KLF7: variants seen among roughly 807,000 people sequenced by gnomAD.
KLF7 encodes KLF transcription factor 7, also known as Krueppel-like factor 7.
In KLF7, 2 loss-of-function variants were observed where a neutral mutation model predicts 27.3. That is an observed-to-expected ratio of 0.07 (90% CI 0.03 to 0.23). The LOEUF (loss-of-function observed/expected upper bound fraction) is 0.23, where lower values mean the gene tolerates loss of function less well. Among genes scored for constraint, KLF7 ranks in the 10% least tolerant of loss-of-function variants. The pLI is 1.00. For missense variants in KLF7, 221 were observed against 394.1 expected (o/e 0.56, Z 3.72); for synonymous variants, 165 against 162.4 (o/e 1.02, Z -0.12).
chr2:207,113,369 T>C (rs987838202), intron 2 of KLF7, among the ~76,000 whole-genome samples: 1 of 152,218 alleles, frequency 6.6e-6, no homozygotes, highest in Non-Finnish European at 1.5e-5. Context: ...TGTGTTTCCA[T>C]AGCTAAAGGA....
intron 1 of KLF7, among the ~76,000 whole-genome samples, chr2:207,125,365 C>CA (rs1252227814): frequency 2.6e-5 from 4 of 152,342 alleles, no homozygotes; most frequent in African/African-American, 9.6e-5. Flanking sequence ...AAAAATCCTA[C>CA]AATTCCAGAA....
chr2:207,134,100 T>G (rs1447226180), intron 1 of KLF7: 11 of 1,532,226 alleles, frequency 7.2e-6, no homozygotes, highest in African/African-American at 1.4e-5. Flanking sequence ...ACCAGTTACA[T>G]CATCTCCCCT....
intron 2 of KLF7, among the ~76,000 whole-genome samples, chr2:207,100,233 A>G (rs900009844): frequency 6.6e-6 from 1 of 152,242 alleles, no homozygotes; most frequent in African/African-American, 2.4e-5. Context: ...ATAGATATTA[A>G]TCCGTTTTTT....
chr2:207,123,015 C>T (rs2269076), intron 2 of KLF7, among the ~76,000 whole-genome samples: 39,181 of 151,140 alleles, frequency 0.26, 5,678 homozygotes, highest in East Asian at 0.5. Context: ...GTAAACCCCA[C>T]TTTTCCAAAT....
In KLF7 at chr2:207,099,551, GATATAT is replaced by G. The variant is rs59383415; in HGVS notation, c.734-10976_734-10971del. Among the ~76,000 whole-genome samples the G allele has an allele frequency of 9.4e-4, 54 of 57,574 alleles. 6 individuals are homozygous for G. The highest frequency in any genetic ancestry group is 4.1e-3 in the African/African-American group (45 of 11,010). The allele number at this position is 57,574 out of a possible 152,430, so 37.8% of individuals were successfully genotyped here. A position where few individuals can be genotyped will look rare whatever the true frequency, so the allele number is the denominator to read the frequency against. ...AAAGTTAACTTTCTGCTACATATGC[GATATAT>G]ATATATATATATATATGAAAAGAGA... On this transcript the variant is annotated intron_variant, in intron 2 of 3. Transcript: ENST00000309446.
chr2:207,111,179 A>G (rs1470536871), intron 2 of KLF7, among the ~76,000 whole-genome samples: 1 of 152,220 alleles, frequency 6.6e-6, no homozygotes, highest in African/African-American at 2.4e-5. Flanking sequence ...GCTGGACCAA[A>G]AGATTTGCTG....
rs765443753 is a variant in KLF7, at chr2:207,124,090, T to C, written c.417A>G (p.Pro139=). 1.7e-5 allele frequency: 28 copies of C among 1,613,874 alleles called. No individual in the cohort carries two copies. The East Asian group carries it at 5.8e-4, about 33-fold the overall frequency. Residue 139 remains proline, a synonymous_variant, in exon 2 of 4, where the codon CCA becomes CCG. Coordinates refer to ENST00000309446, the MANE Select transcript of KLF7 (RefSeq NM_003709.4). The part of the protein sequence containing the change: ...QLNAVTSLTP[P]SSPELSRHLV... ...GATGGCGGCTGAGCTCAGGGGACGA[T>C]GGGGGCGTTAATGAGGTCACTGCGT...
At chr2:207,168,552 T>C (rs966436274), upstream of KLF7, among the ~76,000 whole-genome samples, 2 of 151,806 alleles carry the variant, frequency 1.3e-5, no homozygotes, top group Non-Finnish European at 3.0e-5. Flanking sequence ...TCCTCAGCTT[T>C]AAGTCAGTGT....
At chr2:207,150,122 A>G (rs2078202040) in intron 1 of KLF7, among the ~76,000 whole-genome samples, 1 of 152,214 alleles carries the variant, frequency 6.6e-6, no homozygotes, top group Non-Finnish European at 1.5e-5. Context: ...ACACACATAC[A>G]GACATATACA....
At position 207,076,750 on chromosome 2, in the gene KLF7, TCACC is replaced by T. The variant is rs1457131522; in HGVS notation, c.*4459_*4462del. The T allele has an allele frequency of 6.6e-6, 1 of 152,206 alleles. No individual in the cohort carries two copies. The highest frequency in any genetic ancestry group is 2.4e-5 in the African/African-American group (1 of 41,458). The allele number at this position is 152,206 out of a possible 1,614,324, so 9.4% of individuals were successfully genotyped here. A position where few individuals can be genotyped will look rare whatever the true frequency, so the allele number is the denominator to read the frequency against. On this transcript the variant is annotated 3_prime_UTR_variant, in exon 4 of 4. Transcript: ENST00000309446. ...GCCCTCTAGTTTTCAAACTGAGATA[TCACC>T]ATGTTCACCGAAATTTAATCCAGAC...
chr2:207,135,072 G>A (rs1267264413), intron 1 of KLF7, among the ~76,000 whole-genome samples: 2 of 152,290 alleles, frequency 1.3e-5, no homozygotes, highest in East Asian at 1.9e-4. Context: ...TAAACCTGTT[G>A]GATATAAAAG....
upstream of KLF7, chr2:207,167,171 T>G (rs73985510): frequency 7.0e-7 from 1 of 1,426,916 alleles, no homozygotes; most frequent in African/African-American, 1.5e-5. Context: ...TCTGCAGAGC[T>G]TCGATGGTGA....
At position 207,077,284 on chromosome 2, in the gene KLF7, C is replaced by T. The variant is rs2076191644; in HGVS notation, c.*3929G>A. On this transcript the variant is annotated 3_prime_UTR_variant, in exon 4 of 4. Coordinates refer to ENST00000309446, the MANE Select transcript of KLF7 (RefSeq NM_003709.4). ...AGCCATCCAAAAGCCCCATTTCTTTCCCCTTTGATGCAAATAGACATGGAT... is the reference window on the plus strand; with the variant it reads ...AGCCATCCAAAAGCCCCATTTCTTTTCCCTTTGATGCAAATAGACATGGAT... The T allele has an allele frequency of 6.6e-6, 1 of 152,190 alleles. No individual in the cohort carries two copies. The highest frequency in any genetic ancestry group is 1.5e-5 in the Non-Finnish European group (1 of 68,028). 9.4% of individuals were successfully genotyped at this position (152,190 alleles called of 1,614,324 possible). A position where few individuals can be genotyped will look rare whatever the true frequency, so the allele number is the denominator to read the frequency against.
chr2:207,151,185 T>C (rs2078235893), intron 1 of KLF7, among the ~76,000 whole-genome samples: 1 of 152,106 alleles, frequency 6.6e-6, no homozygotes, highest in Non-Finnish European at 1.5e-5. Context: ...GGTAATTCTG[T>C]GTTATCAACA....
intron 2 of KLF7, among the ~76,000 whole-genome samples, chr2:207,120,290 C>A (rs1408810996): frequency 6.6e-6 from 1 of 152,208 alleles, no homozygotes; most frequent in Non-Finnish European, 1.5e-5. Context: ...TCTTTTTCAG[C>A]TCAGTAAATT....
intron 1 of KLF7, among the ~76,000 whole-genome samples, chr2:207,133,876 T>C (rs1006049512): frequency 5.9e-5 from 9 of 152,058 alleles, no homozygotes; most frequent in Non-Finnish European, 1.3e-4. Context: ...AGGAAACAAA[T>C]AAACATTAAT....
chr2:207,101,450 C>G (rs2076763381), intron 2 of KLF7, among the ~76,000 whole-genome samples: 1 of 152,086 alleles, frequency 6.6e-6, no homozygotes, highest in Non-Finnish European at 1.5e-5. Context: ...CCCCCTGAAA[C>G]TTGAAGGACA....
chr2:207,108,489 G>C lies in KLF7; in HGVS notation c.733+15285C>G, dbSNP rs116020159. ...AATCCTCAAAAGAGTGGAGCCCTCA[G>C]GGGTAATGTGTGTTATTCCTTCAGC... is the stretch of plus-strand genomic sequence containing the variant. On this transcript the variant is annotated intron_variant, in intron 2 of 3. Coordinates refer to ENST00000309446, the MANE Select transcript of KLF7 (RefSeq NM_003709.4). Among the ~76,000 whole-genome samples, 235 of 152,324 alleles carry C rather than the reference G, an allele frequency of 1.5e-3. 2 individuals are homozygous for C. The highest frequency in any genetic ancestry group is 5.4e-3 in the African/African-American group (223 of 41,578).
rs1325272649 is a variant in KLF7, at chr2:207,079,189, G to T, written c.*2024C>A. On this transcript the variant is annotated 3_prime_UTR_variant, in exon 4 of 4. Coordinates refer to ENST00000309446, the MANE Select transcript of KLF7 (RefSeq NM_003709.4). ...TGTCCAATTGGCAGCTATAGCATTT[G>T]TGAGGAGGTTCCTTTGCCCTCAGAC... 4 of 152,064 alleles carry T rather than the reference G, an allele frequency of 2.6e-5. No homozygotes were observed. Among genetic ancestry groups the T allele is most frequent in the African/African-American group, 9.7e-5 (4 of 41,410 alleles). The allele number at this position is 152,064 out of a possible 1,614,324, so 9.4% of individuals were successfully genotyped here.
Sources: allele counts gnomAD v4.1 joint callset (sites outside exome capture counted in the v4.1 genomes callset), GRCh38; gene constraint gnomAD v4.1.1; transcripts MANE v1.5; gene names NCBI Gene and HGNC (gene_info 2026-07-23, HGNC 2026-07-21).